Variants in XRCC4 observed in about 807,000 individuals in gnomAD.
The protein encoded by XRCC4 is X-ray repair cross complementing 4, also known as DNA repair protein XRCC4.
Under a neutral mutation model 39.1 loss-of-function variants are expected in XRCC4, and 28 were observed. The observed-to-expected ratio is 0.72, with a 90% CI of 0.53 to 0.98. XRCC4 has a LOEUF of 0.98. XRCC4 is among the 50% of genes least tolerant of loss of function. XRCC4 has a pLI of 0.00. For missense variants in XRCC4, 350 were observed against 376.4 expected, an observed-to-expected ratio of 0.93 and a Z score of 0.58; for synonymous variants, 123 against 126.4, an observed-to-expected ratio of 0.97 and a Z score of 0.18.
At position 83,313,745 on chromosome 5, in the gene XRCC4, T is replaced by G. The variant is rs186045712; in HGVS notation, c.894-39386T>G. 2.6e-5 allele frequency among the ~76,000 whole-genome samples: 4 copies of G among 152,282 alleles called. No homozygotes were observed. In the East Asian group the frequency reaches 7.7e-4, roughly 29 times the overall value. On this transcript the variant is annotated intron_variant, in intron 7 of 7. Coordinates refer to ENST00000396027, the MANE Select transcript of XRCC4 (RefSeq NM_003401.5). ...TTGCTTCCTCCTTCACACCTTAGTTTCTGTTCCAACTTCTCAGTGAAGCTA... is the reference window on the plus strand; with the variant it reads ...TTGCTTCCTCCTTCACACCTTAGTTGCTGTTCCAACTTCTCAGTGAAGCTA...
chr5:83,307,487 A>G (rs1039865587), intron 7 of XRCC4, among the ~76,000 whole-genome samples: 1 of 152,202 alleles, frequency 6.6e-6, no homozygotes, highest in East Asian at 1.9e-4. Flanking sequence ...GTCTTAAGAG[A>G]ACTATAAAGA....
intron 4 of XRCC4, among the ~76,000 whole-genome samples, chr5:83,202,314 G>A (rs1167921023): frequency 6.6e-6 from 1 of 152,132 alleles, no homozygotes; most frequent in African/African-American, 2.4e-5. Context: ...CACTATGCTG[G>A]GCACTGAGGA....
chr5:83,126,507 G>A (rs544585589), intron 3 of XRCC4, among the ~76,000 whole-genome samples: 2 of 152,286 alleles, frequency 1.3e-5, no homozygotes, highest in South Asian at 2.1e-4. Context: ...AAAGGCTGTT[G>A]CAGAGAGCTT....
intron 3 of XRCC4, among the ~76,000 whole-genome samples, chr5:83,149,870 A>AT (rs990710308): frequency 6.6e-6 from 1 of 152,108 alleles, no homozygotes; most frequent in African/African-American, 2.4e-5. Context: ...CCAGTTAGAG[A>AT]TTACTGAGGT....
chr5:83,217,977 G>A (rs944294386), intron 6 of XRCC4, among the ~76,000 whole-genome samples: 1 of 151,816 alleles, frequency 6.6e-6, no homozygotes, highest in Non-Finnish European at 1.5e-5. Context: ...CTGTTTCAGT[G>A]GGCAAAATAT....
intron 3 of XRCC4, among the ~76,000 whole-genome samples, chr5:83,132,452 C>T (rs912755510): frequency 6.6e-6 from 1 of 152,010 alleles, no homozygotes; most frequent in African/African-American, 2.4e-5. Flanking sequence ...GGGAAGTTTT[C>T]CTGGATAATA....
chr5:83,127,932 T>TTTTG (rs1477661172), intron 3 of XRCC4, among the ~76,000 whole-genome samples: 50 of 151,584 alleles, frequency 3.3e-4, no homozygotes, highest in African/African-American at 1.1e-3. Context: ...TTCTGGCTAG[T>TTTTG]TTTGTTAGTT....
At chr5:83,330,186 AG>A (rs1343318624) in intron 7 of XRCC4, among the ~76,000 whole-genome samples, 1 of 152,090 alleles carries the variant, frequency 6.6e-6, no homozygotes, top group Non-Finnish European at 1.5e-5. Flanking sequence ...GAGGTATTGA[AG>A]AGGAATTGAT....
the XRCC4 span, among the ~76,000 whole-genome samples, chr5:83,371,759 G>C: frequency 6.6e-6 from 1 of 152,180 alleles, no homozygotes; most frequent in African/African-American, 2.4e-5. Context: ...GCAGGAAGGA[G>C]AAGGGCTGAC....
At chr5:83,082,171 C>T (rs566648452) in intron 1 of XRCC4, among the ~76,000 whole-genome samples, 1 of 152,278 alleles carries the variant, frequency 6.6e-6, no homozygotes, top group African/African-American at 2.4e-5. Context: ...GTTCTGTTCT[C>T]TCTGCTTTTT....
chr5:83,234,418 A>G (rs1266164460), intron 6 of XRCC4, among the ~76,000 whole-genome samples: 3 of 152,176 alleles, frequency 2.0e-5, no homozygotes, highest in East Asian at 3.9e-4. Context: ...AATTTTAGAC[A>G]TGAGGTCTCA....
intron 6 of XRCC4, among the ~76,000 whole-genome samples, chr5:83,250,604 C>G (rs1431868304): frequency 6.6e-6 from 1 of 152,158 alleles, no homozygotes; most frequent in Non-Finnish European, 1.5e-5. Flanking sequence ...CCCAAAAGTT[C>G]TACCCAAAAA....
At chr5:83,288,451 G>A (rs1042292884) in intron 7 of XRCC4, among the ~76,000 whole-genome samples, 18 of 151,850 alleles carry the variant, frequency 1.2e-4, no homozygotes, top group African/African-American at 4.1e-4. Flanking sequence ...ATGCTTGTTA[G>A]TTGCATACAG....
chr5:83,309,570 GC>G (rs1755631091), intron 7 of XRCC4, among the ~76,000 whole-genome samples: 1 of 150,716 alleles, frequency 6.6e-6, no homozygotes, highest in South Asian at 2.1e-4. Flanking sequence ...GACCATCCTG[GC>G]TAACACGGTG....
At chr5:83,370,895 G>A in the XRCC4 span, among the ~76,000 whole-genome samples, 1 of 152,052 alleles carries the variant, frequency 6.6e-6, no homozygotes, top group African/African-American at 2.4e-5. Context: ...TCTTTCTCCT[G>A]CTTTAGTCAC....
chr5:83,361,425 T>C, the XRCC4 span, among the ~76,000 whole-genome samples: 1 of 152,170 alleles, frequency 6.6e-6, no homozygotes, highest in Non-Finnish European at 1.5e-5. Context: ...CATTCATGTT[T>C]TGACAACCCT....
chr5:83,153,380 TGTATTTTAGTA>T (rs938955828), intron 3 of XRCC4, among the ~76,000 whole-genome samples: 5 of 152,150 alleles, frequency 3.3e-5, no homozygotes, highest in African/African-American at 1.2e-4. Flanking sequence ...GGCTAATTTT[TGTATTTTAGTA>T]GATAGGGTTT....
chr5:83,226,225 G>A (rs1377482937), intron 6 of XRCC4, among the ~76,000 whole-genome samples: 3 of 152,020 alleles, frequency 2.0e-5, no homozygotes, highest in Non-Finnish European at 4.4e-5. Context: ...GAGCTGCGGT[G>A]CTTGGTGTGA....
At chr5:83,259,817 C>A (rs556909965) in intron 7 of XRCC4, among the ~76,000 whole-genome samples, 1 of 151,970 alleles carries the variant, frequency 6.6e-6, no homozygotes, top group African/African-American at 2.4e-5. Flanking sequence ...ACTCTTGAGA[C>A]CCTCAAAAAT....
Sources: allele counts gnomAD v4.1 joint callset (sites outside exome capture counted in the v4.1 genomes callset), GRCh38; gene constraint gnomAD v4.1.1; transcripts MANE v1.5; gene names NCBI Gene and HGNC (gene_info 2026-07-23, HGNC 2026-07-21).